ATG16L2: variants seen among roughly 807,000 people sequenced by gnomAD.
ATG16L2 encodes autophagy related 16 like 2.
In ATG16L2, 77 loss-of-function variants were observed where a neutral mutation model predicts 84.7. That is an observed-to-expected ratio of 0.91 (90% CI 0.76 to 1.10). ATG16L2 has a LOEUF of 1.10. Ranked by LOEUF, ATG16L2 falls within the 50% of genes least tolerant of loss-of-function variation. ATG16L2 has a pLI of 0.00. For missense variants in ATG16L2, 782 were observed against 817.6 expected (o/e 0.96, Z 0.53); for synonymous variants, 361 against 342.8 (o/e 1.05, Z -0.59).
chr11:72,822,399 TGGAGGAAGGGA>T lies in ATG16L2; in HGVS notation c.645-78_645-68del, dbSNP rs150850600. 2.6e-3 allele frequency: 4,114 copies of T among 1,599,558 alleles called. 97 individuals carry two copies. In the African/African-American group the frequency reaches 0.05, roughly 20 times the overall value. ...AGGGAGGGGGGCAGCAGCCGCCCCC[TGGAGGAAGGGA>T]CCGGGTCTAGCCCCGCCTGCGTGCG... On this transcript the variant is annotated intron_variant, in intron 5 of 17. Transcript: ENST00000321297. This position sits in a 1 kb window ranked among gnomAD's most constrained non-coding sequence, Gnocchi z 4.2.
chr11:72,838,493 A>T, intron 5 of ATG16L2: 1 of 438,908 alleles, frequency 2.3e-6, no homozygotes, highest in Non-Finnish European at 4.2e-6. Context: ...CCTGTTCTTG[A>T]GTCTCATATA....
chr11:72,828,358 G>T lies in ATG16L2; in HGVS notation c.1473-1G>T, dbSNP rs1341268844. 1 of 1,613,918 alleles carries T rather than the reference G, an allele frequency of 6.2e-7. No homozygotes were observed. The highest frequency in any genetic ancestry group is 8.5e-7 in the Non-Finnish European group (1 of 1,179,920). The stretch of plus-strand genomic sequence containing the variant: ...TCCCTGTCTCTGTCCTTGTTCCTCA[G>T]GGGGCCCCACTGCACCCAGGTCATC... On this transcript the variant is annotated splice_acceptor_variant, in intron 14 of 17. Coordinates refer to ENST00000321297, the MANE Select transcript of ATG16L2 (RefSeq NM_033388.2). LOFTEE classifies it high-confidence loss of function.
chr11:72,829,066 GA>G, intron 17 of ATG16L2, 82 bp downstream of exon 17: 1 of 1,432,626 alleles, frequency 7.0e-7, no homozygotes, highest in Non-Finnish European at 9.8e-7. Context: ...TGGGACCCTG[GA>G]GTCCCCAGCC....
chr11:72,843,312 C>T, exon 6 of ATG16L2: 1 of 1,613,716 alleles, frequency 6.2e-7, no homozygotes, highest in South Asian at 1.1e-5. Flanking sequence ...ACCCACTTGG[C>T]CAACTTTATT....
chr11:72,821,649 C>A lies in ATG16L2; in HGVS notation c.319-19C>A. The stretch of plus-strand genomic sequence containing the variant: ...CTGGAGGGGCCTCAGCGCCGCCGTG[C>A]CCACCTGTCCGCCCCCAGATGGCCT... On this transcript the variant is annotated intron_variant, in intron 3 of 17. Coordinates refer to ENST00000321297, the MANE Select transcript of ATG16L2 (RefSeq NM_033388.2). 1 of 1,530,052 alleles carries A rather than the reference C, an allele frequency of 6.5e-7. No individual in the cohort carries two copies. Among genetic ancestry groups the A allele is most frequent in the Non-Finnish European group, 8.7e-7 (1 of 1,143,002 alleles). 94.8% of individuals were successfully genotyped at this position (1,530,052 alleles called of 1,614,324 possible).
At chr11:72,837,772 G>A (rs1441037286) in intron 5 of ATG16L2, 2 of 152,244 alleles carry the variant, frequency 1.3e-5, no homozygotes, top group African/African-American at 4.8e-5. Context: ...CAGGGTAGTG[G>A]GACCTGGAAG....
At chr11:72,842,926 A>G (rs1018025742) in exon 6 of ATG16L2, 1 of 1,056,860 alleles carries the variant, frequency 9.5e-7, no homozygotes, top group African/African-American at 1.6e-5. Flanking sequence ...CATGACAACT[A>G]AAAGAGCATC....
At chr11:72,838,538 C>A (rs544552512) in intron 5 of ATG16L2, 5 of 533,420 alleles carry the variant, frequency 9.4e-6, no homozygotes, top group South Asian at 6.4e-5. Context: ...GGGCTGCCCC[C>A]CTCTTTGCTC....
chr11:72,823,824 CT>C, intron 7 of ATG16L2: 1 of 658,374 alleles, frequency 1.5e-6, no homozygotes, highest in Non-Finnish European at 2.8e-6. Context: ...TAAGGCAGTT[CT>C]TCCCATCATG....
At chr11:72,831,074 CCT>C (rs1468215862), downstream of ATG16L2, among the ~76,000 whole-genome samples, 4 of 152,224 alleles carry the variant, frequency 2.6e-5, no homozygotes, top group Non-Finnish European at 5.9e-5. Flanking sequence ...CTCCTCTGTC[CCT>C]GAGCTCCCCT....
Position 72,822,745 on chromosome 11 carries a change from A to G in ATG16L2, c.711-103A>G. 9.4e-7 allele frequency: 1 copy of G among 1,063,426 alleles called. No individual in the cohort carries two copies. Among genetic ancestry groups the G allele is most frequent in the Non-Finnish European group, 1.4e-6 (1 of 733,662 alleles). 65.9% of individuals were successfully genotyped at this position (1,063,426 alleles called of 1,614,324 possible). ...CCGCTGCACGTGTACACCCACACAG[A>G]ACCCTCATCACTGGGAATTCCTGTC... On this transcript the variant is annotated intron_variant, in intron 6 of 17. Coordinates refer to ENST00000321297, the MANE Select transcript of ATG16L2 (RefSeq NM_033388.2). This position sits in a 1 kb window ranked among gnomAD's most constrained non-coding sequence, Gnocchi z 4.2.
At position 72,822,125 on chromosome 11, in the gene ATG16L2, G is replaced by A. The variant is rs1487354651; in HGVS notation, c.474G>A (p.Ala158=). ...QQAQQVEEWR[A]QNAVQRAAYE... ...CCCAGCAGGTGGAGGAGTGGCGGGC[G>A]CAGAATGCGGTGCAGCGGGCAGCCT... Residue 158 remains alanine, a synonymous_variant, in exon 5 of 18, where the codon GCG becomes GCA. Coordinates refer to ENST00000321297, the MANE Select transcript of ATG16L2 (RefSeq NM_033388.2). This position sits in a 1 kb window ranked among gnomAD's most constrained non-coding sequence, Gnocchi z 4.2. 2 of 1,512,106 alleles carry A rather than the reference G, an allele frequency of 1.3e-6. No homozygotes were observed. The highest frequency in any genetic ancestry group is 1.2e-5 in the South Asian group (1 of 80,648). 93.7% of individuals were successfully genotyped at this position (1,512,106 alleles called of 1,614,324 possible).
At chr11:72,821,583 C>G (rs774412932) in intron 3 of ATG16L2, 85 bp from the exon 4 acceptor site, 3 of 1,495,204 alleles carry the variant, frequency 2.0e-6, no homozygotes, top group South Asian at 1.3e-5. Flanking sequence ...AGGTGAGCAG[C>G]CGACTCCCTT....
chr11:72,836,780 A>G (rs1183461873), intron 5 of ATG16L2: 4 of 152,622 alleles, frequency 2.6e-5, no homozygotes, highest in Admixed American at 6.5e-5. Flanking sequence ...CATTTTATAC[A>G]TAATAAATAC....
Position 72,826,771 on chromosome 11 carries a change from G to T in ATG16L2, c.1314G>T (p.Val438=). The stretch of plus-strand genomic sequence containing the variant: ...TCAAGCTAACGAGGCACCAGGCAGT[G>T]ACTGGGAGCCGCGACCGGACAGTGA... ...AKFKLTRHQA[V]TGSRDRTVKE... is the part of the protein sequence containing the mutation. The change falls in exon 13 of 18, where the codon GTG becomes GTT. Residue 438 remains valine (V), a synonymous_variant. Transcript: ENST00000321297. 1.2e-6 allele frequency: 2 copies of T among 1,614,056 alleles called. No homozygotes were observed. Among genetic ancestry groups the T allele is most frequent in the Non-Finnish European group, 8.5e-7 (1 of 1,179,990 alleles).
chr11:72,826,519 G>T lies in ATG16L2; in HGVS notation c.1175G>T (p.Gly392Val). The change falls in exon 12 of 18, where the codon GGC (glycine) becomes GTC (valine). Residue 392 changes from glycine to valine, a missense_variant and splice_region_variant. Transcript: ENST00000321297. ...TCACTTCCTCTCCCATTTCTCCAGG[G>T]CTACCAGGTTTTAGCAGCAACTTAC... ...SITSVDFDPS[G>V]YQVLAATYNQ... is the part of the protein sequence containing the mutation. The T allele has an allele frequency of 6.2e-7, 1 of 1,614,072 alleles. No homozygotes were observed. Among genetic ancestry groups the T allele is most frequent in the Non-Finnish European group, 8.5e-7 (1 of 1,180,024 alleles).
intron 5 of ATG16L2, chr11:72,836,800 A>G (rs955419746): frequency 1.3e-5 from 2 of 152,580 alleles, no homozygotes. Context: ...CAAACTTTTT[A>G]CAGCCACTGT....
In ATG16L2 at chr11:72,822,010, T is replaced by C. The variant is rs756945666; in HGVS notation, c.393-34T>C. On this transcript the variant is annotated intron_variant, in intron 4 of 17. Transcript: ENST00000321297. This position sits in a 1 kb window ranked among gnomAD's most constrained non-coding sequence, Gnocchi z 4.2. ...CCCACTGGGCAGTGACGGGGGAAGC[T>C]TGGGACCCGCTATCCGCTCTTTCCG... 2.7e-6 allele frequency: 4 copies of C among 1,473,546 alleles called. No homozygotes were observed. The highest frequency in any genetic ancestry group is 5.1e-5 in the Admixed American group (2 of 39,358). The allele number at this position is 1,473,546 out of a possible 1,614,324, so 91.3% of individuals were successfully genotyped here.
intron 9 of ATG16L2, 41 bp downstream of exon 9, chr11:72,824,883 G>T (rs769466395): frequency 6.6e-7 from 1 of 1,515,626 alleles, no homozygotes; most frequent in South Asian, 1.3e-5. Context: ...GCAGTGGTGA[G>T]AGAGTGCAGG....
Sources: allele counts gnomAD v4.1 joint callset (sites outside exome capture counted in the v4.1 genomes callset), GRCh38; gene constraint gnomAD v4.1.1; non-coding constraint Gnocchi (gnomAD v3.1); transcripts MANE v1.5; gene names NCBI Gene and HGNC (gene_info 2026-07-23, HGNC 2026-07-21).